Variants in ONECUT3 observed in about 807,000 individuals in gnomAD.
The protein encoded by ONECUT3 is one cut homeobox 3.
ONECUT3 carries 11 observed loss-of-function variants against 16.8 expected under a neutral mutation model. That is an observed-to-expected ratio of 0.66 (90% CI 0.41 to 1.09). The LOEUF (loss-of-function observed/expected upper bound fraction) is 1.09. Among genes scored for constraint, ONECUT3 ranks in the 50% least tolerant of loss-of-function variants. The pLI is 0.00. For missense variants in ONECUT3, 637 were observed against 629.9 expected (o/e 1.01, Z -0.12); for synonymous variants, 344 against 310.7 (o/e 1.11, Z -1.13).
In ONECUT3 at chr19:1,755,000, T is replaced by C. The variant is rs146578478; in HGVS notation, c.1192+146T>C. ...AGCCCGGGACCCCCTATCAGGAAGCTAGACCGCGATCCGCGCCGCTGCCCG... is the reference window on the plus strand; with the variant it reads ...AGCCCGGGACCCCCTATCAGGAAGCCAGACCGCGATCCGCGCCGCTGCCCG... On this transcript the variant is annotated intron_variant, in intron 1 of 1. Coordinates refer to ENST00000382349, the MANE Select transcript of ONECUT3 (RefSeq NM_001080488.2). This position sits in a 1 kb window ranked among gnomAD's most constrained non-coding sequence, Gnocchi z 7.4. 7,179 of 1,113,786 alleles carry C rather than the reference T, an allele frequency of 6.4e-3. 35 individuals are homozygous for C. The highest frequency in any genetic ancestry group is 7.8e-3 in the Non-Finnish European group (6,794 of 866,794). The allele number at this position is 1,113,786 out of a possible 1,614,324, so 69.0% of individuals were successfully genotyped here. A position where few individuals can be genotyped will look rare whatever the true frequency, so the allele number is the denominator to read the frequency against.
In ONECUT3 at chr19:1,762,585, G is replaced by T. The variant is rs1342889450; in HGVS notation, c.1192+7731G>T. Among the ~76,000 whole-genome samples the T allele has an allele frequency of 6.6e-6, 1 of 152,216 alleles. No individual in the cohort carries two copies. Among genetic ancestry groups the T allele is most frequent in the Non-Finnish European group, 1.5e-5 (1 of 68,032 alleles). On this transcript the variant is annotated intron_variant, in intron 1 of 1. Coordinates refer to ENST00000382349, the MANE Select transcript of ONECUT3 (RefSeq NM_001080488.2). The surrounding 1 kb of genome is among the most constrained non-coding windows in gnomAD (Gnocchi z 4.4). ...GGCGGGTGTGTGGATCCCAGAGCGC[G>T]CCCGGCCCCCAACAGCCTGACAGGA...
rs1386558963 is a variant in ONECUT3, at chr19:1,758,696, T to TGGTC, written c.1192+3842_1192+3843insGGTC. ...CCCCATGGTCCTCCGAGTCCCGCAC[T>TGGTC]TCGGAGCTGCCTCCTGGTCAAAGCT... is the stretch of plus-strand genomic sequence containing the variant. On this transcript the variant is annotated intron_variant, in intron 1 of 1. Coordinates refer to ENST00000382349, the MANE Select transcript of ONECUT3 (RefSeq NM_001080488.2). The surrounding 1 kb of genome is among the most constrained non-coding windows in gnomAD (Gnocchi z 5.9). Among the ~76,000 whole-genome samples the TGGTC allele has an allele frequency of 6.6e-6, 1 of 151,292 alleles. No homozygotes were observed. Among genetic ancestry groups the TGGTC allele is most frequent in the African/African-American group, 2.4e-5 (1 of 41,124 alleles).
In ONECUT3 at chr19:1,754,114, C is replaced by A. The variant is rs762881995; in HGVS notation, c.452C>A (p.Pro151Gln). 25 of 1,023,144 alleles carry A rather than the reference C, an allele frequency of 2.4e-5. No individual in the cohort carries two copies. The South Asian group carries it at 8.2e-4, about 34-fold the overall frequency. The allele number at this position is 1,023,144 out of a possible 1,614,324, so 63.4% of individuals were successfully genotyped here. A position where few individuals can be genotyped will look rare whatever the true frequency, so the allele number is the denominator to read the frequency against. The stretch of plus-strand genomic sequence containing the variant: ...GCGCACCCGCACCCGGCGGCCGCGC[C>A]GCCCCCGCCACCCCCGCCGCAGCGT... Reference protein sequence around the residue: ...PHAHPHPAAAPPPPPPPQRLA... With the variant: ...PHAHPHPAAAQPPPPPPQRLA... Residue 151 changes from proline to glutamine, a missense_variant, in exon 1 of 2, where the codon CCG becomes CAG. Transcript: ENST00000382349. The surrounding 1 kb of genome is among the most constrained non-coding windows in gnomAD (Gnocchi z 7.4).
intron 1 of ONECUT3, among the ~76,000 whole-genome samples, chr19:1,757,655 C>T (rs1323888547): frequency 6.6e-6 from 1 of 152,248 alleles, no homozygotes; most frequent in East Asian, 1.9e-4. Context: ...CGCGTCTACA[C>T]CACCGGACTC....
At chr19:1,770,758 G>A (rs1381056684) in intron 1 of ONECUT3, among the ~76,000 whole-genome samples, 3 of 152,188 alleles carry the variant, frequency 2.0e-5, no homozygotes, top group Non-Finnish European at 2.9e-5. Context: ...AAAGAGGTGA[G>A]AGGTCAATTC....
Position 1,759,433 on chromosome 19 carries a change from CT to C in ONECUT3, c.1192+4580del, listed in dbSNP as rs2067934524. Among the ~76,000 whole-genome samples, 2 of 151,152 alleles carry C rather than the reference CT, an allele frequency of 1.3e-5. No homozygotes were observed. Among genetic ancestry groups the C allele is most frequent in the African/African-American group, 4.9e-5 (2 of 41,030 alleles). The stretch of plus-strand genomic sequence containing the variant: ...CAGGTGTCCACCCCCCACAAGCACT[CT>C]GGAACCCCCACCCAAACTCTGGATG... On this transcript the variant is annotated intron_variant, in intron 1 of 1. Coordinates refer to ENST00000382349, the MANE Select transcript of ONECUT3 (RefSeq NM_001080488.2). This position sits in a 1 kb window ranked among gnomAD's most constrained non-coding sequence, Gnocchi z 4.1.
At chr19:1,756,825 C>G (rs1395832615) in intron 1 of ONECUT3, among the ~76,000 whole-genome samples, 1 of 150,226 alleles carries the variant, frequency 6.7e-6, no homozygotes, top group Admixed American at 6.7e-5. Context: ...TGGGATTACA[C>G]AGGCTTGAGC....
chr19:1,777,188 G>A lies in ONECUT3; in HGVS notation c.*1743G>A, dbSNP rs1031966903. The A allele has an allele frequency of 2.0e-5, 3 of 152,384 alleles. No individual in the cohort carries two copies. Among genetic ancestry groups the A allele is most frequent in the African/African-American group, 7.2e-5 (3 of 41,476 alleles). 9.4% of individuals were successfully genotyped at this position (152,384 alleles called of 1,614,324 possible). ...CAGCTTTCCAAGCGACCGGATCTGA[G>A]TGATGCTTCTAGAACATTTGGGTGT... On this transcript the variant is annotated 3_prime_UTR_variant, in exon 2 of 2. Coordinates refer to ENST00000382349, the MANE Select transcript of ONECUT3 (RefSeq NM_001080488.2).
At chr19:1,760,896 C>T (rs1386356313) in intron 1 of ONECUT3, among the ~76,000 whole-genome samples, 1 of 152,152 alleles carries the variant, frequency 6.6e-6, no homozygotes, top group Non-Finnish European at 1.5e-5. Context: ...AGCCTGAAGT[C>T]CTAGAAGTAA....
At chr19:1,772,196 G>A (rs2145966909) in intron 1 of ONECUT3, among the ~76,000 whole-genome samples, 1 of 150,238 alleles carries the variant, frequency 6.7e-6, no homozygotes, top group Non-Finnish European at 1.5e-5. Context: ...TATTTTTTGT[G>A]GAGACAGAGT....
At chr19:1,757,269 C>T (rs1876895354) in intron 1 of ONECUT3, among the ~76,000 whole-genome samples, 1 of 152,274 alleles carries the variant, frequency 6.6e-6, no homozygotes, top group Non-Finnish European at 1.5e-5. Context: ...CCATCCAGGC[C>T]TCCGCCGTCC....
chr19:1,764,592 C>G lies in ONECUT3; in HGVS notation c.1192+9738C>G, dbSNP rs1424885442. ...GGGCCAGATGAGGGGCTGGGGAGGCCTCTGGGGGTCCACGCCTGGGGCATG... is the reference window on the plus strand; with the variant it reads ...GGGCCAGATGAGGGGCTGGGGAGGCGTCTGGGGGTCCACGCCTGGGGCATG... On this transcript the variant is annotated intron_variant, in intron 1 of 1. Coordinates refer to ENST00000382349, the MANE Select transcript of ONECUT3 (RefSeq NM_001080488.2). The surrounding 1 kb of genome is among the most constrained non-coding windows in gnomAD (Gnocchi z 5.0). Among the ~76,000 whole-genome samples, 1 of 151,972 alleles carries G rather than the reference C, an allele frequency of 6.6e-6. No homozygotes were observed. The highest frequency in any genetic ancestry group is 2.4e-5 in the African/African-American group (1 of 41,362).
At position 1,777,444 on chromosome 19, in the gene ONECUT3, GCACACAGAGAC is replaced by G. The variant is rs1568605427; in HGVS notation, c.*2000_*2010del. The G allele has an allele frequency of 4.9e-4, 41 of 83,832 alleles. No individual in the cohort carries two copies. The highest frequency in any genetic ancestry group is 1.9e-3 in the African/African-American group (38 of 20,064). The allele number at this position is 83,832 out of a possible 1,614,324, so 5.2% of individuals were successfully genotyped here. A position where few individuals can be genotyped will look rare whatever the true frequency, so the allele number is the denominator to read the frequency against. On this transcript the variant is annotated 3_prime_UTR_variant, in exon 2 of 2. Transcript: ENST00000382349. ...GACACGCATGCAGGCACACGCAGAC[GCACACAGAGAC>G]ACACATGCAGATACACATGCACACA...
At chr19:1,773,555 A>G (rs1272671811) in intron 1 of ONECUT3, among the ~76,000 whole-genome samples, 4 of 152,210 alleles carry the variant, frequency 2.6e-5, no homozygotes, top group African/African-American at 7.2e-5. Flanking sequence ...AACGAAAAGA[A>G]AAGCTCTCTG....
rs1163595072 is a variant in ONECUT3, at chr19:1,759,857, G to A, written c.1192+5003G>A. ...GGGATGCACGGAGTGTGGATAGACCGAGACCGTGCCCAGGGCCACGAGAAC... is the reference window on the plus strand; with the variant it reads ...GGGATGCACGGAGTGTGGATAGACCAAGACCGTGCCCAGGGCCACGAGAAC... On this transcript the variant is annotated intron_variant, in intron 1 of 1. Transcript: ENST00000382349. The surrounding 1 kb of genome is among the most constrained non-coding windows in gnomAD (Gnocchi z 4.1). Among the ~76,000 whole-genome samples, 2 of 152,184 alleles carry A rather than the reference G, an allele frequency of 1.3e-5. No individual in the cohort carries two copies. The highest frequency in any genetic ancestry group is 2.4e-5 in the African/African-American group (1 of 41,448).
chr19:1,753,959 G>C lies in ONECUT3; in HGVS notation c.297G>C (p.Pro99=), dbSNP rs1032994765. 3.0e-6 allele frequency: 3 copies of C among 990,256 alleles called. No individual in the cohort carries two copies. The highest frequency in any genetic ancestry group is 1.8e-5 in the African/African-American group (1 of 56,454). The allele number at this position is 990,256 out of a possible 1,614,324, so 61.3% of individuals were successfully genotyped here. A position where few individuals can be genotyped will look rare whatever the true frequency, so the allele number is the denominator to read the frequency against. The change falls in exon 1 of 2, where the codon CCG becomes CCC. Residue 99 remains proline, a synonymous_variant. Transcript: ENST00000382349. The stretch of plus-strand genomic sequence containing the variant: ...CAATGGGCATGGCCTGCGAGGCGCC[G>C]GGCCTGGGCGGCACCTACACGACGC... ...HPAMGMACEA[P]GLGGTYTTLT...
rs1190823131 is a variant in ONECUT3 at position 1,775,501 on chromosome 19, G to C, written c.*56G>C. 1 of 1,408,036 alleles carries C rather than the reference G, an allele frequency of 7.1e-7. No homozygotes were observed. Among genetic ancestry groups the C allele is most frequent in the Non-Finnish European group, 9.2e-7 (1 of 1,088,738 alleles). 87.2% of individuals were successfully genotyped at this position (1,408,036 alleles called of 1,614,324 possible). ...CACGGCCTGGGCGCTGTGCCCCCAC[G>C]TCACCTCCCCACATCCTGCCGGCCC... On this transcript the variant is annotated 3_prime_UTR_variant, in exon 2 of 2. Transcript: ENST00000382349.
intron 1 of ONECUT3, among the ~76,000 whole-genome samples, chr19:1,769,808 G>T (rs567075034): frequency 2.6e-5 from 4 of 152,094 alleles, no homozygotes; most frequent in Admixed American, 2.0e-4. Flanking sequence ...CGCCGGGAAG[G>T]GGGGCAGCAG....
At chr19:1,769,068 AGGTGGTGGAAGT>A (rs1443204690) in intron 1 of ONECUT3, among the ~76,000 whole-genome samples, 60 of 87,166 alleles carry the variant, frequency 6.9e-4, no homozygotes, top group African/African-American at 1.8e-3. Context: ...CTGGAGGTGG[AGGTGGTGGAAGT>A]GGAGGTGGAG....
Sources: gnomAD v4.1 joint callset for allele counts (sites outside exome capture counted in the v4.1 genomes callset) on GRCh38, gnomAD v4.1.1 for gene constraint, Gnocchi (gnomAD v3.1) non-coding constraint, MANE v1.5 for transcripts, NCBI Gene and HGNC (gene_info 2026-07-23, HGNC 2026-07-21) for gene names.